The following TMEM178B variants were observed in gnomAD, a reference collection of about 807,000 sequenced individuals.
TMEM178B encodes the protein transmembrane protein 178B.
TMEM178B carries 5 observed loss-of-function variants against 31.0 expected under a neutral mutation model. The observed-to-expected ratio is 0.16, with a 90% CI of 0.08 to 0.34. The LOEUF (loss-of-function observed/expected upper bound fraction) is 0.34. Among genes scored for constraint, TMEM178B ranks in the 10% least tolerant of loss-of-function variants. The pLI, the probability that TMEM178B is intolerant of heterozygous loss-of-function variation, is 1.00. For synonymous variants in TMEM178B, 164 were observed against 164.0 expected (o/e 1.00, Z 0.00); for missense variants, 275 against 400.3 (o/e 0.69, Z 2.67).
At chr7:141,302,751 T>C (rs1006845807) in intron 2 of TMEM178B, among the ~76,000 whole-genome samples, 1 of 152,196 alleles carries the variant, frequency 6.6e-6, no homozygotes, top group African/African-American at 2.4e-5. Flanking sequence ...CAGTGCTCTT[T>C]CCATGAGTGT....
intron 1 of TMEM178B, among the ~76,000 whole-genome samples, chr7:141,139,106 A>AAAGTT (rs1795725404): frequency 6.6e-6 from 1 of 152,254 alleles, no homozygotes; most frequent in Non-Finnish European, 1.5e-5. Context: ...TATGGACGCC[A>AAAGTT]AAGTTAAACT....
chr7:141,245,029 C>T (rs556921423), intron 2 of TMEM178B, among the ~76,000 whole-genome samples: 36 of 150,778 alleles, frequency 2.4e-4, no homozygotes, highest in African/African-American at 6.8e-4. Flanking sequence ...CCCAGCTACT[C>T]GGGAGGGTGA....
At chr7:141,097,144 A>G (rs1027912675) in intron 1 of TMEM178B, among the ~76,000 whole-genome samples, 2 of 152,050 alleles carry the variant, frequency 1.3e-5, no homozygotes, top group African/African-American at 4.8e-5. Context: ...TTTATCTGTT[A>G]CAGTAGCTAG....
intron 1 of TMEM178B, among the ~76,000 whole-genome samples, chr7:141,210,461 ATCAG>A (rs1797036471): frequency 6.6e-6 from 1 of 152,112 alleles, no homozygotes; most frequent in African/African-American, 2.4e-5. Flanking sequence ...AAAACTCTCA[ATCAG>A]TCAATCAATA....
chr7:141,377,895 A>G (rs1360102869), intron 2 of TMEM178B, among the ~76,000 whole-genome samples: 2 of 152,200 alleles, frequency 1.3e-5, no homozygotes, highest in Non-Finnish European at 1.5e-5. Flanking sequence ...TACTGTTAAC[A>G]TATTATATAA....
the TMEM178B span, among the ~76,000 whole-genome samples, chr7:141,508,632 C>T: frequency 1.3e-5 from 2 of 152,204 alleles, no homozygotes; most frequent in Admixed American, 1.3e-4. Context: ...GCTGGGGAGG[C>T]CTCAGAATCA....
chr7:141,297,394 G>C (rs11973607), intron 2 of TMEM178B, among the ~76,000 whole-genome samples: 1 of 151,852 alleles, frequency 6.6e-6, no homozygotes, highest in Admixed American at 6.6e-5. Flanking sequence ...TCTAGGGTAC[G>C]TGTGCACAAC....
intron 2 of TMEM178B, among the ~76,000 whole-genome samples, chr7:141,279,739 A>G (rs1282076909): frequency 2.6e-5 from 4 of 152,236 alleles, no homozygotes; most frequent in Admixed American, 1.3e-4. Context: ...TCAGTTACCA[A>G]AATGACTGGA....
the TMEM178B span, among the ~76,000 whole-genome samples, chr7:141,488,268 G>A: frequency 6.6e-6 from 1 of 152,090 alleles, no homozygotes; most frequent in Non-Finnish European, 1.5e-5. Flanking sequence ...TTGGTTTCTA[G>A]CCCCCAGAGG....
intron 2 of TMEM178B, among the ~76,000 whole-genome samples, chr7:141,278,750 C>T (rs945112936): frequency 3.3e-5 from 5 of 151,966 alleles, no homozygotes; most frequent in Admixed American, 2.6e-4. Flanking sequence ...CGCTGTGGAA[C>T]GTATTAGGGA....
chr7:141,446,486 G>A (rs919702694), intron 3 of TMEM178B, among the ~76,000 whole-genome samples: 1 of 152,184 alleles, frequency 6.6e-6, no homozygotes, highest in African/African-American at 2.4e-5. Context: ...GAGGATGGTT[G>A]GTGAAGGCAT....
At chr7:141,099,154 T>A (rs1203827840) in intron 1 of TMEM178B, among the ~76,000 whole-genome samples, 2 of 152,234 alleles carry the variant, frequency 1.3e-5, no homozygotes, top group Non-Finnish European at 2.9e-5. Context: ...CTCCTTGATA[T>A]GAATTTTCCT....
intron 1 of TMEM178B, among the ~76,000 whole-genome samples, chr7:141,119,308 G>C (rs1024590352): frequency 6.6e-6 from 1 of 152,166 alleles, no homozygotes; most frequent in African/African-American, 2.4e-5. Context: ...GGCACTTCTG[G>C]TCTGTCCCAC....
chr7:141,425,141 G>A (rs1270410201), intron 2 of TMEM178B, among the ~76,000 whole-genome samples: 1 of 152,218 alleles, frequency 6.6e-6, no homozygotes, highest in Non-Finnish European at 1.5e-5. Context: ...CCTGCACTTA[G>A]TAAATGCATA....
At chr7:141,372,147 C>T (rs1800129015) in intron 2 of TMEM178B, among the ~76,000 whole-genome samples, 1 of 152,188 alleles carries the variant, frequency 6.6e-6, no homozygotes, top group Non-Finnish European at 1.5e-5. Context: ...ACCACTCCCT[C>T]ACAAAATCTA....
At chr7:141,174,124 CCT>C (rs1796389317) in intron 1 of TMEM178B, among the ~76,000 whole-genome samples, 1 of 152,214 alleles carries the variant, frequency 6.6e-6, no homozygotes, top group African/African-American at 2.4e-5. Context: ...ACCCCCACCC[CCT>C]GACAGGCCCC....
intron 1 of TMEM178B, among the ~76,000 whole-genome samples, chr7:141,197,617 T>C (rs943730112): frequency 1.3e-5 from 2 of 152,188 alleles, no homozygotes; most frequent in Admixed American, 6.5e-5. Flanking sequence ...CTGTGATCTT[T>C]AGTTTCCATT....
intron 1 of TMEM178B, among the ~76,000 whole-genome samples, chr7:141,180,532 G>T (rs1340487856): frequency 6.6e-6 from 1 of 151,018 alleles, no homozygotes; most frequent in African/African-American, 2.4e-5. Context: ...GCAAAAGTAT[G>T]TCATTTGTTC....
chr7:141,112,409 C>T (rs1216258201), intron 1 of TMEM178B, among the ~76,000 whole-genome samples: 1 of 152,110 alleles, frequency 6.6e-6, no homozygotes, highest in African/African-American at 2.4e-5. Context: ...TTAGCCACCA[C>T]AGCCTGGCTA....
Sources: allele counts gnomAD v4.1 joint callset (sites outside exome capture counted in the v4.1 genomes callset), GRCh38; gene constraint gnomAD v4.1.1; transcripts MANE v1.5; gene names NCBI Gene and HGNC (gene_info 2026-07-23, HGNC 2026-07-21).